The following RIGI variants were observed in gnomAD, a reference collection of about 807,000 sequenced individuals.
RIGI encodes antiviral innate immune response receptor RIG-I.
the RIGI span, chr9:32,493,985 T>A: frequency 5.7e-6 from 8 of 1,401,660 alleles, no homozygotes; most frequent in Admixed American, 2.5e-5. Flanking sequence ...TGAAACCAAC[T>A]GAAAAATACT....
At chr9:32,522,852 T>C in the RIGI span, among the ~76,000 whole-genome samples, 1 of 152,188 alleles carries the variant, frequency 6.6e-6, no homozygotes, top group African/African-American at 2.4e-5. Context: ...AATAGTCCCA[T>C]ATACAATTCT....
At chr9:32,462,119 C>T in the RIGI span, among the ~76,000 whole-genome samples, 2 of 152,140 alleles carry the variant, frequency 1.3e-5, no homozygotes, top group Non-Finnish European at 2.9e-5. Flanking sequence ...GTGTGATCTA[C>T]TGGCACTGAA....
chr9:32,480,313 C>G, the RIGI span: 1 of 1,609,524 alleles, frequency 6.2e-7, no homozygotes, highest in African/African-American at 1.3e-5. Context: ...GAGCATCTTT[C>G]ATTCGTGCAT....
the RIGI span, among the ~76,000 whole-genome samples, chr9:32,515,317 C>CAA: frequency 0.45 from 49,329 of 110,498 alleles, 9,961 homozygotes; most frequent in South Asian, 0.57. Context: ...GACTCTGTCT[C>CAA]AAAAAAAAAA....
At chr9:32,477,798 G>A in the RIGI span, among the ~76,000 whole-genome samples, 1 of 151,874 alleles carries the variant, frequency 6.6e-6, no homozygotes, top group Non-Finnish European at 1.5e-5. Flanking sequence ...GGTGATGGGC[G>A]CCTATAATCC....
chr9:32,487,738 T>C, the RIGI span: 1 of 1,379,512 alleles, frequency 7.2e-7, no homozygotes. Flanking sequence ...TTTTTGTTTT[T>C]ACTAACACAC....
chr9:32,493,855 A>C, the RIGI span: 4 of 1,610,072 alleles, frequency 2.5e-6, no homozygotes, highest in Non-Finnish European at 3.4e-6. Flanking sequence ...TTCTGGTTGT[A>C]AACGTTTTAA....
chr9:32,478,731 T>G, the RIGI span, among the ~76,000 whole-genome samples: 3 of 151,934 alleles, frequency 2.0e-5, no homozygotes. Flanking sequence ...AGCTAATTTT[T>G]GTATTTTTTG....
the RIGI span, among the ~76,000 whole-genome samples, chr9:32,492,114 G>C: frequency 6.6e-6 from 1 of 152,200 alleles, no homozygotes; most frequent in Non-Finnish European, 1.5e-5. Flanking sequence ...AACTTAGACT[G>C]AGAGTTCGGA....
the RIGI span, among the ~76,000 whole-genome samples, chr9:32,466,027 G>T: frequency 1.3e-5 from 2 of 152,190 alleles, no homozygotes; most frequent in African/African-American, 4.8e-5. Context: ...TTAGGATATA[G>T]TCCTCGAGAT....
At chr9:32,478,582 T>C in the RIGI span, among the ~76,000 whole-genome samples, 3,813 of 152,120 alleles carry the variant, frequency 0.025, 177 homozygotes, top group African/African-American at 0.088. Flanking sequence ...TTGATTGAGA[T>C]AAGGACTCAC....
At chr9:32,491,938 G>A in the RIGI span, among the ~76,000 whole-genome samples, 7 of 152,288 alleles carry the variant, frequency 4.6e-5, no homozygotes, top group South Asian at 1.2e-3. Flanking sequence ...TGATAGTTCA[G>A]ACACTTAATG....
the RIGI span, among the ~76,000 whole-genome samples, chr9:32,520,158 A>G: frequency 1.3e-5 from 2 of 152,022 alleles, no homozygotes; most frequent in African/African-American, 4.8e-5. Flanking sequence ...AAAGTTAACT[A>G]TCTTACTTTG....
the RIGI span, chr9:32,485,223 G>A: frequency 6.2e-7 from 1 of 1,609,944 alleles, no homozygotes; most frequent in Non-Finnish European, 8.5e-7. Flanking sequence ...TCCCTCATCA[G>A]CTGAGCTATG....
the RIGI span, chr9:32,492,244 C>G: frequency 1.5e-5 from 13 of 850,380 alleles, no homozygotes; most frequent in East Asian, 2.9e-4. Flanking sequence ...GTAACTGCCT[C>G]CCTCCCAGAA....
the RIGI span, among the ~76,000 whole-genome samples, chr9:32,508,802 G>C: frequency 9.5e-4 from 144 of 152,242 alleles, no homozygotes; most frequent in Admixed American, 1.9e-3. Context: ...AAGTGGTCTA[G>C]CACAGCAAAT....
At chr9:32,462,852 G>C in the RIGI span, among the ~76,000 whole-genome samples, 2 of 152,112 alleles carry the variant, frequency 1.3e-5, no homozygotes, top group Non-Finnish European at 2.9e-5. Flanking sequence ...AGAATGTTTT[G>C]ATTTAAAAAA....
the RIGI span, among the ~76,000 whole-genome samples, chr9:32,490,443 A>C: frequency 6.6e-6 from 1 of 152,132 alleles, no homozygotes; most frequent in Non-Finnish European, 1.5e-5. Flanking sequence ...AAAGCAACTC[A>C]TATTCATGTA....
At chr9:32,488,609 A>G in the RIGI span, 1 of 1,021,800 alleles carries the variant, frequency 9.8e-7, no homozygotes, top group Non-Finnish European at 1.3e-6. Context: ...AAGGGATAAC[A>G]TCTGGATTAT....
Sources: gnomAD v4.1 joint callset for allele counts (sites outside exome capture counted in the v4.1 genomes callset) on GRCh38, gnomAD v4.1.1 for gene constraint, MANE v1.5 for transcripts, NCBI Gene and HGNC (gene_info 2026-07-23, HGNC 2026-07-21) for gene names.